The following CLEC3B variants were observed in gnomAD, a reference collection of about 807,000 sequenced individuals.
CLEC3B encodes tetranectin.
Under a neutral mutation model 15.4 loss-of-function variants are expected in CLEC3B, and 13 were observed. The observed-to-expected ratio is 0.84, with a 90% CI of 0.55 to 1.34. CLEC3B has a LOEUF of 1.34. CLEC3B is among the 40% of genes most tolerant of loss of function. CLEC3B has a pLI of 0.00. For missense variants in CLEC3B, 242 were observed against 268.6 expected (o/e 0.90, Z 0.69); for synonymous variants, 112 against 114.7 (o/e 0.98, Z 0.15).
chr3:45,036,005 C>G lies in CLEC3B; in HGVS notation c.*81C>G. On this transcript the variant is annotated 3_prime_UTR_variant, in exon 3 of 3. Coordinates refer to ENST00000296130, the MANE Select transcript of CLEC3B (RefSeq NM_003278.3). The stretch of plus-strand genomic sequence containing the variant: ...GGGAGGAGGGTGGGGACCTTGCAGC[C>G]CCCATCCTCTCCGTGCGCTTGGAGC... 4 of 1,395,432 alleles carry G rather than the reference C, an allele frequency of 2.9e-6. No individual in the cohort carries two copies. The highest frequency in any genetic ancestry group is 5.0e-5 in the East Asian group (2 of 40,328). 86.4% of individuals were successfully genotyped at this position (1,395,432 alleles called of 1,614,324 possible).
chr3:45,035,882 C>T lies in CLEC3B; in HGVS notation c.567C>T (p.Cys189=), dbSNP rs1576048293. 6.2e-6 allele frequency: 10 copies of T among 1,609,880 alleles called. No individual in the cohort carries two copies. Among genetic ancestry groups the T allele is most frequent in the Non-Finnish European group, 7.6e-6 (9 of 1,178,768 alleles). ...AANGKWFDKR[C]RDQLPYICQF... is the part of the protein sequence containing the mutation. The stretch of plus-strand genomic sequence containing the variant: ...ACGGCAAGTGGTTCGACAAGCGCTG[C>T]CGCGATCAGCTGCCCTACATCTGCC... The change falls in exon 3 of 3, where the codon TGC becomes TGT. Residue 189 remains cysteine, a synonymous_variant. Transcript: ENST00000296130.
chr3:45,035,515 C>T lies in CLEC3B; in HGVS notation c.209-9C>T, dbSNP rs1047953439. ...ACCTTCGGTGACAGCCATTTCTCCC[C>T]ACTCCCAGTCTGCCTGAAGGGGACC... On this transcript the variant is annotated splice_polypyrimidine_tract_variant and intron_variant, in intron 2 of 2. Coordinates refer to ENST00000296130, the MANE Select transcript of CLEC3B (RefSeq NM_003278.3). 6.3e-6 allele frequency: 10 copies of T among 1,578,378 alleles called. No individual in the cohort carries two copies. The African/African-American group carries it at 8.1e-5, about 13-fold the overall frequency.
chr3:45,030,765 C>A, intron 1 of CLEC3B, 62 bp from the exon 2 acceptor site: 1 of 1,160,292 alleles, frequency 8.6e-7, no homozygotes, highest in Non-Finnish European at 1.3e-6. Flanking sequence ...CCCTCTGCAG[C>A]TAAGGTAGGA....
rs1220982586 is a variant in CLEC3B, at chr3:45,035,993, G to C, written c.*69G>C. 2 of 1,439,230 alleles carry C rather than the reference G, an allele frequency of 1.4e-6. No individual in the cohort carries two copies. Among genetic ancestry groups the C allele is most frequent in the East Asian group, 2.4e-5 (1 of 41,020 alleles). The allele number at this position is 1,439,230 out of a possible 1,614,324, so 89.2% of individuals were successfully genotyped here. ...CCGCGGGAGGCCGGGAGGAGGGTGG[G>C]GACCTTGCAGCCCCCATCCTCTCCG... On this transcript the variant is annotated 3_prime_UTR_variant, in exon 3 of 3. Coordinates refer to ENST00000296130, the MANE Select transcript of CLEC3B (RefSeq NM_003278.3).
At position 45,026,463 on chromosome 3, in the gene CLEC3B, C is replaced by T; in HGVS notation, c.101C>T (p.Ala34Val). 1.2e-6 allele frequency: 2 copies of T among 1,614,022 alleles called. No homozygotes were observed. The highest frequency in any genetic ancestry group is 1.7e-6 in the Non-Finnish European group (2 of 1,179,890). Residue 34 changes from alanine (A) to valine (V), a missense_variant, in exon 1 of 3, where the codon GCC becomes GTC. Transcript: ENST00000296130. ...CAGAAGCCCAAGAAGATTGTAAATG[C>T]CAAGAAAGGTAAGGAGGGGGACAGA... is the stretch of plus-strand genomic sequence containing the variant. ...PTQKPKKIVN[A>V]KKDVVNTKMF... is the part of the protein sequence containing the mutation.
At chr3:45,029,536 G>C (rs9861505) in intron 1 of CLEC3B, among the ~76,000 whole-genome samples, 76,238 of 152,038 alleles carry the variant, frequency 0.5, 20,117 homozygotes, top group East Asian at 0.87. Flanking sequence ...GGGTGTTTTT[G>C]CTCCAGTTTG....
intron 2 of CLEC3B, among the ~76,000 whole-genome samples, chr3:45,031,862 TTGATG>T (rs1697562277): frequency 7.3e-6 from 1 of 136,328 alleles, no homozygotes; most frequent in African/African-American, 2.8e-5. Flanking sequence ...GGCACTGTTC[TTGATG>T]CTTGATGCAG....
At chr3:45,033,013 GA>G (rs1368940732) in intron 2 of CLEC3B, among the ~76,000 whole-genome samples, 1 of 152,204 alleles carries the variant, frequency 6.6e-6, no homozygotes, top group Non-Finnish European at 1.5e-5. Context: ...GAACATCTGA[GA>G]ATGCAAGAAT....
intron 2 of CLEC3B, 85 bp from the exon 3 acceptor site, chr3:45,035,439 G>A: frequency 2.0e-6 from 3 of 1,514,924 alleles, no homozygotes; most frequent in Non-Finnish European, 2.7e-6. Context: ...ATGGGATGGA[G>A]GACGGTGGGC....
intron 2 of CLEC3B, among the ~76,000 whole-genome samples, chr3:45,032,718 C>T (rs779253256): frequency 4.6e-5 from 7 of 152,104 alleles, no homozygotes; most frequent in Non-Finnish European, 8.8e-5. Flanking sequence ...AGAGAGTGCT[C>T]GAGAAAGGGA....
chr3:45,030,471 A>G (rs1479344090), intron 1 of CLEC3B, among the ~76,000 whole-genome samples: 1 of 152,130 alleles, frequency 6.6e-6, no homozygotes, highest in African/African-American at 2.4e-5. Flanking sequence ...GGGCTTCTTG[A>G]GGGCTCCTGC....
intron 1 of CLEC3B, among the ~76,000 whole-genome samples, chr3:45,028,082 G>A (rs897523092): frequency 6.6e-6 from 1 of 152,142 alleles, no homozygotes; most frequent in Non-Finnish European, 1.5e-5. Context: ...CCTGCCTCTC[G>A]CTGAAACCCA....
At chr3:45,035,060 CAG>C (rs1192275148) in intron 2 of CLEC3B, among the ~76,000 whole-genome samples, 1 of 152,184 alleles carries the variant, frequency 6.6e-6, no homozygotes, top group African/African-American at 2.4e-5. Flanking sequence ...GACTCTGAGA[CAG>C]AGCTAATTTG....
At chr3:45,033,929 AAGG>A (rs563980018) in intron 2 of CLEC3B, among the ~76,000 whole-genome samples, 87 of 152,278 alleles carry the variant, frequency 5.7e-4, no homozygotes, top group African/African-American at 2.1e-3. Context: ...GAGTGGGCAG[AAGG>A]AGAAGTCGAG....
At chr3:45,035,428 G>A (rs1697624271) in intron 2 of CLEC3B, 96 bp from the exon 3 acceptor site, 1 of 1,487,824 alleles carries the variant, frequency 6.7e-7, no homozygotes, top group Non-Finnish European at 9.0e-7. Context: ...GGATAAACGG[G>A]ATGGGATGGA....
chr3:45,032,708 A>G (rs1207253712), intron 2 of CLEC3B, among the ~76,000 whole-genome samples: 1 of 152,262 alleles, frequency 6.6e-6, no homozygotes, highest in Non-Finnish European at 1.5e-5. Flanking sequence ...GCAGGTAGGA[A>G]GAGAGTGCTC....
chr3:45,035,313 G>C (rs928545919), intron 2 of CLEC3B, among the ~76,000 whole-genome samples: 2 of 152,134 alleles, frequency 1.3e-5, no homozygotes, highest in African/African-American at 4.8e-5. Flanking sequence ...CCTCCTGAGT[G>C]GGGATCTGGA....
rs1412592724 is a variant in CLEC3B at position 45,026,311 on chromosome 3, G to A, written c.-52G>A. Reference sequence around the variant, plus strand: ...CAGCCTGGGCCGTGGCTGTCACTGCGTTCGGACCCAGACCCGCTGCAGGCA... The same window carrying A: ...CAGCCTGGGCCGTGGCTGTCACTGCATTCGGACCCAGACCCGCTGCAGGCA... On this transcript the variant is annotated 5_prime_UTR_variant, in exon 1 of 3. Coordinates refer to ENST00000296130, the MANE Select transcript of CLEC3B (RefSeq NM_003278.3). 3.3e-6 allele frequency: 5 copies of A among 1,510,118 alleles called. No homozygotes were observed. The highest frequency in any genetic ancestry group is 1.8e-5 in the Admixed American group (1 of 56,472). The allele number at this position is 1,510,118 out of a possible 1,614,324, so 93.5% of individuals were successfully genotyped here. A position where few individuals can be genotyped will look rare whatever the true frequency, so the allele number is the denominator to read the frequency against.
chr3:45,027,747 A>G (rs763102893), intron 1 of CLEC3B, among the ~76,000 whole-genome samples: 106 of 152,170 alleles, frequency 7.0e-4, no homozygotes, highest in Non-Finnish European at 8.5e-4. Flanking sequence ...TTAAAAAGAG[A>G]AGACAATACC....
Sources: gnomAD v4.1 joint callset for allele counts (sites outside exome capture counted in the v4.1 genomes callset) on GRCh38, gnomAD v4.1.1 for gene constraint, MANE v1.5 for transcripts, NCBI Gene and HGNC (gene_info 2026-07-23, HGNC 2026-07-21) for gene names.